The following CATSPERB variants were observed in gnomAD, a reference collection of about 807,000 sequenced individuals.
CATSPERB encodes the protein cation channel sperm-associated auxiliary subunit beta.
CATSPERB carries 93 observed loss-of-function variants against 128.3 expected under a neutral mutation model. That is an observed-to-expected ratio of 0.72 (90% CI 0.61 to 0.86). CATSPERB has a LOEUF of 0.86. Ranked by LOEUF, CATSPERB falls within the 40% of genes least tolerant of loss-of-function variation. The pLI is 0.00. For missense variants in CATSPERB, 1,153 were observed against 1,329.5 expected (o/e 0.87, Z 2.06); for synonymous variants, 381 against 448.8 (o/e 0.85, Z 1.91).
At chr14:91,645,727 G>A (rs1459359358) in intron 15 of CATSPERB, among the ~76,000 whole-genome samples, 39 of 140,804 alleles carry the variant, frequency 2.8e-4, no homozygotes, top group African/African-American at 1.0e-3. Context: ...GAGCTGTGGT[G>A]GGCTCCACCC....
intron 7 of CATSPERB, among the ~76,000 whole-genome samples, chr14:91,702,567 TG>T (rs902811315): frequency 1.5e-4 from 23 of 151,870 alleles, no homozygotes; most frequent in Admixed American, 2.6e-4. Context: ...ATTTTTGTTT[TG>T]TTTTTTTTCT....
chr14:91,711,511 A>G (rs1895839158), intron 5 of CATSPERB, among the ~76,000 whole-genome samples: 1 of 152,212 alleles, frequency 6.6e-6, no homozygotes, highest in Admixed American at 6.5e-5. Context: ...GATTACAGGC[A>G]TGAGCCACTG....
chr14:91,691,720 A>G (rs1016151418), intron 9 of CATSPERB, among the ~76,000 whole-genome samples, 165 bp from the exon 10 acceptor site: 1 of 152,196 alleles, frequency 6.6e-6, no homozygotes, highest in African/African-American at 2.4e-5. Flanking sequence ...ATAGCCAAAC[A>G]CTAAAAGCAA....
intron 24 of CATSPERB, among the ~76,000 whole-genome samples, chr14:91,588,350 G>T (rs902184096): frequency 2.6e-5 from 4 of 152,130 alleles, no homozygotes; most frequent in Admixed American, 1.3e-4. Context: ...TTGCCTTCAA[G>T]GGCATCCTCA....
At position 91,605,121 on chromosome 14, in the gene CATSPERB, C is replaced by T. The variant is rs1205295256; in HGVS notation, c.2709+3173G>A. ...TTGCCTTTGGGAGGGGTGGAAGAAT[C>T]AGGGCTGTCCTAAATAAGCAGATCC... On this transcript the variant is annotated intron_variant, in intron 22 of 26. Transcript: ENST00000256343. The T allele has an allele frequency of 3.2e-6, 4 of 1,268,180 alleles. No individual in the cohort carries two copies. In the Admixed American group the frequency reaches 5.1e-5, roughly 16 times the overall value. 78.6% of individuals were successfully genotyped at this position (1,268,180 alleles called of 1,614,324 possible). A position where few individuals can be genotyped will look rare whatever the true frequency, so the allele number is the denominator to read the frequency against.
intron 15 of CATSPERB, among the ~76,000 whole-genome samples, chr14:91,644,384 G>A (rs1386079149): frequency 6.7e-6 from 1 of 148,576 alleles, no homozygotes; most frequent in Non-Finnish European, 1.5e-5. Context: ...CTTCCTTCAG[G>A]AGCTCTTGTA....
At chr14:91,660,289 A>G (rs559985128) in intron 14 of CATSPERB, among the ~76,000 whole-genome samples, 1 of 152,320 alleles carries the variant, frequency 6.6e-6, no homozygotes, top group South Asian at 2.1e-4. Flanking sequence ...GATCTCCCAA[A>G]TAATTCCGTG....
At chr14:91,674,286 T>C in intron 11 of CATSPERB, 64 bp from the exon 12 acceptor site, 1 of 956,014 alleles carries the variant, frequency 1.0e-6, no homozygotes, top group Non-Finnish European at 1.7e-6. Flanking sequence ...ACTGGAAGGG[T>C]TAGTCTTAAT....
intron 20 of CATSPERB, among the ~76,000 whole-genome samples, chr14:91,616,276 T>G (rs911913860): frequency 1.3e-5 from 2 of 152,178 alleles, no homozygotes; most frequent in Admixed American, 1.3e-4. Flanking sequence ...AACTTATCTT[T>G]CATCTTTCAT....
intron 2 of CATSPERB, among the ~76,000 whole-genome samples, chr14:91,727,156 A>G (rs1452066820): frequency 6.6e-6 from 1 of 152,218 alleles, no homozygotes; most frequent in Non-Finnish European, 1.5e-5. Flanking sequence ...CAAGGGGAAT[A>G]TGTGCAGGTT....
chr14:91,723,788 A>C (rs1397164), intron 3 of CATSPERB, among the ~76,000 whole-genome samples: 46,684 of 152,090 alleles, frequency 0.31, 8,866 homozygotes, highest in Admixed American at 0.41. Flanking sequence ...AGGAATGTAG[A>C]TGTGAATAAA....
At chr14:91,682,198 C>T (rs988720888) in intron 11 of CATSPERB, among the ~76,000 whole-genome samples, 1 of 152,126 alleles carries the variant, frequency 6.6e-6, no homozygotes, top group African/African-American at 2.4e-5. Flanking sequence ...CACCCATTTC[C>T]CTTTCATGGC....
rs545578618 is a variant in CATSPERB, at chr14:91,599,149, G to T, written c.2710-7147C>A. Reference sequence around the variant, plus strand: ...TGATCCATAAAGTTAGCTCATGCTGGTACCAGGCACTGATAAGAGATTTGT... The same window carrying T: ...TGATCCATAAAGTTAGCTCATGCTGTTACCAGGCACTGATAAGAGATTTGT... On this transcript the variant is annotated intron_variant, in intron 22 of 26. Transcript: ENST00000256343. Among the ~76,000 whole-genome samples, 10 of 152,224 alleles carry T rather than the reference G, an allele frequency of 6.6e-5. No individual in the cohort carries two copies. The South Asian group carries it at 1.9e-3, about 28-fold the overall frequency.
At chr14:91,646,111 A>T (rs1894599603) in intron 15 of CATSPERB, 1 of 154,486 alleles carries the variant, frequency 6.5e-6, no homozygotes, top group South Asian at 2.0e-4. Flanking sequence ...ACTGTCTGGC[A>T]CTCCCTAGTG....
At chr14:91,652,494 A>G (rs1231232595) in intron 15 of CATSPERB, among the ~76,000 whole-genome samples, 2 of 137,666 alleles carry the variant, frequency 1.5e-5, no homozygotes, top group African/African-American at 5.6e-5. Flanking sequence ...CCCTGTCTCT[A>G]CTAACAATAC....
chr14:91,705,356 C>G (rs1306777677), intron 6 of CATSPERB, among the ~76,000 whole-genome samples: 2 of 152,132 alleles, frequency 1.3e-5, no homozygotes, highest in Non-Finnish European at 2.9e-5. Flanking sequence ...GAGTAAAATC[C>G]AGAGTAGCAG....
At chr14:91,613,574 G>A (rs1447467311) in intron 20 of CATSPERB, among the ~76,000 whole-genome samples, 2 of 152,170 alleles carry the variant, frequency 1.3e-5, no homozygotes, top group African/African-American at 4.8e-5. Context: ...GAGCCTCTGG[G>A]AAAGGAATCC....
chr14:91,611,187 T>C (rs1214421119), intron 20 of CATSPERB, among the ~76,000 whole-genome samples: 1 of 152,018 alleles, frequency 6.6e-6, no homozygotes, highest in Non-Finnish European at 1.5e-5. Context: ...ATGACAGAAG[T>C]AGAAAAATAT....
At chr14:91,694,977 G>C (rs112412522) in intron 7 of CATSPERB, among the ~76,000 whole-genome samples, 8 of 152,216 alleles carry the variant, frequency 5.3e-5, no homozygotes, top group Non-Finnish European at 8.8e-5. Context: ...ATATTTTGAA[G>C]TGTGAGTTTT....
Sources: allele counts gnomAD v4.1 joint callset (sites outside exome capture counted in the v4.1 genomes callset), GRCh38; gene constraint gnomAD v4.1.1; transcripts MANE v1.5; gene names NCBI Gene and HGNC (gene_info 2026-07-23, HGNC 2026-07-21).